LINGO2: variants seen among roughly 807,000 people sequenced by gnomAD.
The protein encoded by LINGO2 is leucine-rich repeat and immunoglobulin-like domain-containing nogo receptor-interacting protein 2.
Under a neutral mutation model 30.6 loss-of-function variants are expected in LINGO2, and 14 were observed. That is an observed-to-expected ratio of 0.46 (90% confidence interval 0.30 to 0.72). The LOEUF (loss-of-function observed/expected upper bound fraction) is 0.72, where lower values mean the gene tolerates loss of function less well. Ranked by LOEUF, LINGO2 falls within the 30% of genes least tolerant of loss-of-function variation. The pLI is 0.07. For missense variants in LINGO2, 729 were observed against 751.7 expected, an observed-to-expected ratio of 0.97 and a Z score of 0.35; for synonymous variants, 317 against 288.5, an observed-to-expected ratio of 1.10 and a Z score of -1.00.
intron 3 of LINGO2, among the ~76,000 whole-genome samples, chr9:28,340,306 T>A (rs138944636): frequency 1.3e-4 from 20 of 152,254 alleles, no homozygotes; most frequent in African/African-American, 4.8e-4. Flanking sequence ...GTCTCGTATA[T>A]AATAAGCCCT....
intron 4 of LINGO2, among the ~76,000 whole-genome samples, chr9:28,226,227 G>A (rs1821138337): frequency 6.6e-6 from 1 of 152,028 alleles, no homozygotes; most frequent in African/African-American, 2.4e-5. Flanking sequence ...GTACGAGAGT[G>A]GTTGTTTCAG....
At chr9:28,416,877 C>T (rs1454282330) in intron 2 of LINGO2, among the ~76,000 whole-genome samples, 1 of 152,084 alleles carries the variant, frequency 6.6e-6, no homozygotes, top group Non-Finnish European at 1.5e-5. Context: ...CATTTTCCTT[C>T]CATACCTACT....
the LINGO2 span, among the ~76,000 whole-genome samples, chr9:29,206,117 T>A: frequency 6.6e-6 from 1 of 152,210 alleles, no homozygotes; most frequent in Non-Finnish European, 1.5e-5. Flanking sequence ...TTTATCCATT[T>A]GCTAATTTGG....
intron 4 of LINGO2, among the ~76,000 whole-genome samples, chr9:28,277,909 G>C (rs940188005): frequency 3.3e-5 from 5 of 150,496 alleles, no homozygotes; most frequent in African/African-American, 1.2e-4. Context: ...GGAAAGTCCA[G>C]ACGGGCTGAA....
the LINGO2 span, among the ~76,000 whole-genome samples, chr9:28,728,657 C>A: frequency 1.3e-5 from 2 of 151,800 alleles, no homozygotes; most frequent in South Asian, 4.2e-4. Context: ...TCCCCTAAAC[C>A]CACCACCCAG....
At position 28,107,021 on chromosome 9, in the gene LINGO2, C is replaced by T. The variant is rs189419608; in HGVS notation, c.-86-94616G>A. On this transcript the variant is annotated intron_variant, in intron 4 of 5. Coordinates refer to ENST00000379992, the Ensembl canonical transcript of LINGO2. Reference sequence around the variant, plus strand: ...CTAGAATGCTCCATGCACCTCTCCCCCATTCCTTAATTCCTCCTCCTGGCT... The same window carrying T: ...CTAGAATGCTCCATGCACCTCTCCCTCATTCCTTAATTCCTCCTCCTGGCT... Among the ~76,000 whole-genome samples the T allele has an allele frequency of 8.3e-4, 127 of 152,266 alleles. 1 individual carries two copies. Among genetic ancestry groups the T allele is most frequent in the Middle Eastern group, 3.4e-3 (1 of 294 alleles).
At chr9:28,111,945 C>T (rs1339873019) in intron 4 of LINGO2, among the ~76,000 whole-genome samples, 1 of 149,532 alleles carries the variant, frequency 6.7e-6, no homozygotes, top group African/African-American at 2.5e-5. Context: ...TTTTAGGGTA[C>T]ATGTGCACAT....
At chr9:28,165,857 G>A (rs1218940128) in intron 4 of LINGO2, among the ~76,000 whole-genome samples, 1 of 152,080 alleles carries the variant, frequency 6.6e-6, no homozygotes, top group Non-Finnish European at 1.5e-5. Flanking sequence ...ATACCAATAA[G>A]AATATTTTGC....
chr9:28,675,924 T>TAC, the LINGO2 span, among the ~76,000 whole-genome samples: 116 of 137,736 alleles, frequency 8.4e-4, 1 homozygote, highest in Admixed American at 6.6e-3. Context: ...TATATATATA[T>TAC]ACATACACAC....
intron 4 of LINGO2, among the ~76,000 whole-genome samples, chr9:28,079,597 T>C (rs929508075): frequency 6.6e-6 from 1 of 152,202 alleles, no homozygotes; most frequent in Non-Finnish European, 1.5e-5. Context: ...CACTTAATAC[T>C]TCTTGTTTAT....
intron 1 of LINGO2, among the ~76,000 whole-genome samples, chr9:28,631,084 A>G (rs1019790204): frequency 2.0e-4 from 30 of 152,124 alleles, no homozygotes; most frequent in African/African-American, 7.2e-4. Context: ...TAAAAAAATT[A>G]TAAATGAAAT....
chr9:28,011,833 T>A (rs974029363), intron 5 of LINGO2, among the ~76,000 whole-genome samples: 4 of 152,160 alleles, frequency 2.6e-5, no homozygotes, highest in African/African-American at 9.7e-5. Context: ...ATGCCTCCTG[T>A]GGTGGACAGT....
the LINGO2 span, among the ~76,000 whole-genome samples, chr9:28,807,538 G>T: frequency 6.6e-6 from 1 of 152,090 alleles, no homozygotes; most frequent in East Asian, 1.9e-4. Flanking sequence ...TTCTACCCTT[G>T]AAATAGCCAT....
intron 4 of LINGO2, among the ~76,000 whole-genome samples, chr9:28,105,687 T>C (rs1278556819): frequency 3.3e-5 from 5 of 152,064 alleles, no homozygotes; most frequent in African/African-American, 9.7e-5. Context: ...TTAAATTGCA[T>C]TGGTCACTTT....
chr9:28,131,006 T>C (rs1827363974), intron 4 of LINGO2, among the ~76,000 whole-genome samples: 1 of 152,144 alleles, frequency 6.6e-6, no homozygotes, highest in African/African-American at 2.4e-5. Flanking sequence ...CCTTTACTTA[T>C]GTTTCTTCCT....
At chr9:28,966,610 T>C in the LINGO2 span, among the ~76,000 whole-genome samples, 1 of 152,160 alleles carries the variant, frequency 6.6e-6, no homozygotes, top group African/African-American at 2.4e-5. Context: ...ACCAATTGAC[T>C]TGGTAACTTA....
At chr9:28,534,598 T>C (rs1290378643) in intron 1 of LINGO2, among the ~76,000 whole-genome samples, 1 of 152,176 alleles carries the variant, frequency 6.6e-6, no homozygotes, top group Non-Finnish European at 1.5e-5. Context: ...TCTTAATTTC[T>C]TCTCAATTTT....
intron 1 of LINGO2, among the ~76,000 whole-genome samples, chr9:28,487,694 C>A (rs1826225574): frequency 6.6e-6 from 1 of 152,130 alleles, no homozygotes; most frequent in Admixed American, 6.6e-5. Context: ...ATTTTTTCTG[C>A]ACTGTGACAC....
At chr9:28,816,795 CT>C in the LINGO2 span, among the ~76,000 whole-genome samples, 1 of 152,096 alleles carries the variant, frequency 6.6e-6, no homozygotes, top group East Asian at 1.9e-4. Context: ...AATACTACCC[CT>C]TGATCTGATT....
Sources: allele counts gnomAD v4.1 joint callset (sites outside exome capture counted in the v4.1 genomes callset), GRCh38; gene constraint gnomAD v4.1.1; transcripts MANE v1.5; gene names NCBI Gene and HGNC (gene_info 2026-07-23, HGNC 2026-07-21).